The following TRAPPC11 variants were observed in gnomAD, a reference collection of about 807,000 sequenced individuals.
The protein encoded by TRAPPC11 is trafficking protein particle complex subunit 11.
TRAPPC11 carries 104 observed loss-of-function variants against 151.2 expected under a neutral mutation model. That is an observed-to-expected ratio of 0.69 (90% CI 0.59 to 0.81). The LOEUF (loss-of-function observed/expected upper bound fraction) is 0.81. TRAPPC11 is among the 30% of genes least tolerant of loss of function. TRAPPC11 has a pLI of 0.00. For missense variants in TRAPPC11, 1,230 were observed against 1,349.6 expected (o/e 0.91, Z 1.39); for synonymous variants, 456 against 472.3 (o/e 0.97, Z 0.45).
At chr4:183,693,484 G>A in intron 20 of TRAPPC11, 105 bp from the exon 21 acceptor site, 1 of 1,265,164 alleles carries the variant, frequency 7.9e-7, no homozygotes, top group Non-Finnish European at 1.1e-6. Context: ...GGGATTACAG[G>A]CCTGAGCCTC....
At chr4:183,666,527 C>A in intron 3 of TRAPPC11, 101 bp downstream of exon 3, 2 of 1,206,330 alleles carry the variant, frequency 1.7e-6, no homozygotes, top group South Asian at 1.6e-5. Context: ...CTGCAGTGGT[C>A]ACTTTGCGGA....
intron 15 of TRAPPC11, 50 bp from the exon 16 acceptor site, chr4:183,685,034 A>G (rs1735894848): frequency 1.3e-6 from 2 of 1,555,892 alleles, no homozygotes; most frequent in Non-Finnish European, 1.8e-6. Context: ...TGGGGGTAGT[A>G]GACTTAATTA....
At chr4:183,701,304 T>C (rs1273721747) in intron 25 of TRAPPC11, 5 of 161,624 alleles carry the variant, frequency 3.1e-5, no homozygotes, top group Non-Finnish European at 6.8e-5. Context: ...TTTGAGTACT[T>C]TAAGAGTAAC....
intron 29 of TRAPPC11, among the ~76,000 whole-genome samples, chr4:183,711,355 A>T (rs998700195): frequency 1.1e-4 from 17 of 152,240 alleles, no homozygotes; most frequent in Non-Finnish European, 2.4e-4. Context: ...CTGCCATACC[A>T]GACAGTGACG....
At chr4:183,666,676 G>A (rs904966699) in intron 3 of TRAPPC11, among the ~76,000 whole-genome samples, 7 of 152,288 alleles carry the variant, frequency 4.6e-5, no homozygotes, top group Admixed American at 3.3e-4. Flanking sequence ...CTTTTTTGGA[G>A]ACATAGTAAT....
At chr4:183,704,259 G>T (rs1046198197) in intron 26 of TRAPPC11, among the ~76,000 whole-genome samples, 1 of 152,164 alleles carries the variant, frequency 6.6e-6, no homozygotes, top group Non-Finnish European at 1.5e-5. Flanking sequence ...GGTGGCTCAC[G>T]CCTGTAATCC....
In TRAPPC11 at chr4:183,706,953, T is replaced by C. The variant is rs757824983; in HGVS notation, c.3189+13T>C. The C allele has an allele frequency of 6.2e-7, 1 of 1,612,000 alleles. No homozygotes were observed. Among genetic ancestry groups the C allele is most frequent in the South Asian group, 1.1e-5 (1 of 90,642 alleles). On this transcript the variant is annotated intron_variant, in intron 28 of 29. Coordinates refer to ENST00000334690, the MANE Select transcript of TRAPPC11 (RefSeq NM_021942.6). Reference sequence around the variant, plus strand: ...AGGTCTCAAACAGGTACAGGTCATATCTTGTGATGCTTATGTTGACACAAA... The same window carrying C: ...AGGTCTCAAACAGGTACAGGTCATACCTTGTGATGCTTATGTTGACACAAA...
At chr4:183,660,795 T>G (rs58583277) in intron 1 of TRAPPC11, among the ~76,000 whole-genome samples, 7 of 151,850 alleles carry the variant, frequency 4.6e-5, no homozygotes, top group Admixed American at 2.0e-4. Context: ...CTCACTGAAA[T>G]CTCCGCCTCC....
intron 25 of TRAPPC11, among the ~76,000 whole-genome samples, chr4:183,698,988 A>G (rs189439607): frequency 6.6e-6 from 1 of 152,246 alleles, no homozygotes; most frequent in Non-Finnish European, 1.5e-5. Context: ...CACCTGGTCT[A>G]TAGAAGTAGG....
rs150593522 is a variant in TRAPPC11, at chr4:183,694,726, A to AT, written c.2628+10dup. The AT allele has an allele frequency of 4.6e-3, 7,408 of 1,603,454 alleles. 311 individuals are homozygous for AT. In the African/African-American group the frequency reaches 0.088, roughly 19 times the overall value. On this transcript the variant is annotated splice_donor_region_variant and intron_variant, in intron 23 of 29. Coordinates refer to ENST00000334690, the MANE Select transcript of TRAPPC11 (RefSeq NM_021942.6). ...AAATTGTTTGCAAGTGTCACAAGGT[A>AT]TTTTTTTATAGCTACTTTATAAAGC... is the stretch of plus-strand genomic sequence containing the variant.
intron 28 of TRAPPC11, among the ~76,000 whole-genome samples, chr4:183,707,874 T>TA (rs1460457816): frequency 6.6e-6 from 1 of 152,224 alleles, no homozygotes; most frequent in African/African-American, 2.4e-5. Flanking sequence ...GCTAAAATCT[T>TA]ACCAGTTAGT....
intron 5 of TRAPPC11, among the ~76,000 whole-genome samples, chr4:183,673,299 C>T (rs186280240): frequency 1.3e-5 from 2 of 152,264 alleles, no homozygotes; most frequent in Admixed American, 6.5e-5. Flanking sequence ...TAATACATTC[C>T]TTCACACATT....
intron 23 of TRAPPC11, 119 bp downstream of exon 23, chr4:183,694,842 T>C: frequency 9.9e-7 from 1 of 1,009,900 alleles, no homozygotes; most frequent in East Asian, 3.0e-5. Context: ...TAGTCTGTTA[T>C]AAATTTTAAT....
At chr4:183,660,050 C>G (rs1339053689) in intron 1 of TRAPPC11, among the ~76,000 whole-genome samples, 2 of 152,184 alleles carry the variant, frequency 1.3e-5, no homozygotes, top group East Asian at 3.8e-4. Flanking sequence ...CGCCTCCTTT[C>G]GTGTATAGTT....
At chr4:183,664,206 T>C in intron 2 of TRAPPC11, 135 bp downstream of exon 2, 1 of 696,308 alleles carries the variant, frequency 1.4e-6, no homozygotes, top group Non-Finnish European at 2.5e-6. Context: ...GCCTTAGGCA[T>C]TTTCATGTAA....
rs565901997 is a variant in TRAPPC11, at chr4:183,687,135, C to T, written c.1893+387C>T. On this transcript the variant is annotated intron_variant, in intron 18 of 29. Transcript: ENST00000334690. Reference sequence around the variant, plus strand: ...GATGGAGGTTGCAGTGAGCTGAGATCGTGCCACTGCACTCCAGCCTGGTGA... The same window carrying T: ...GATGGAGGTTGCAGTGAGCTGAGATTGTGCCACTGCACTCCAGCCTGGTGA... 3.9e-5 allele frequency among the ~76,000 whole-genome samples: 6 copies of T among 152,166 alleles called. No homozygotes were observed. The South Asian group carries it at 6.2e-4, about 16-fold the overall frequency.
chr4:183,666,809 C>T (rs1354555706), intron 3 of TRAPPC11: 4 of 449,098 alleles, frequency 8.9e-6, no homozygotes, highest in Non-Finnish European at 1.6e-5. Context: ...ATAACTTTTA[C>T]GTAAAAGTAT....
chr4:183,683,950 A>G (rs772403103), intron 11 of TRAPPC11, 25 bp from the exon 12 acceptor site: 2 of 1,595,998 alleles, frequency 1.3e-6, no homozygotes, highest in South Asian at 2.2e-5. Context: ...GCTGTCTAAA[A>G]TGAGTTGTGT....
At chr4:183,688,170 G>T (rs1197812338) in intron 18 of TRAPPC11, among the ~76,000 whole-genome samples, 2 of 152,124 alleles carry the variant, frequency 1.3e-5, no homozygotes, top group Non-Finnish European at 2.9e-5. Context: ...TGGGGACAAG[G>T]GCCAGGACAG....
Sources: gnomAD v4.1 joint callset for allele counts (sites outside exome capture counted in the v4.1 genomes callset) on GRCh38, gnomAD v4.1.1 for gene constraint, MANE v1.5 for transcripts, NCBI Gene and HGNC (gene_info 2026-07-23, HGNC 2026-07-21) for gene names.